The following LRP1B variants were observed in gnomAD, a reference collection of about 807,000 sequenced individuals.
LRP1B encodes the protein LDL receptor related protein 1B, also known as low-density lipoprotein receptor-related protein 1B.
Under a neutral mutation model 556.6 loss-of-function variants are expected in LRP1B, and 217 were observed. The ratio of observed to expected loss-of-function variants is 0.39; its 90% confidence interval spans 0.35 to 0.44. The LOEUF (loss-of-function observed/expected upper bound fraction) is 0.44, where lower values mean the gene tolerates loss of function less well. Among genes scored for constraint, LRP1B ranks in the 20% least tolerant of loss-of-function variants. The pLI, the probability that LRP1B is intolerant of heterozygous loss-of-function variation, is 1.00. For missense variants in LRP1B, 5,053 were observed against 5,620.8 expected (o/e 0.90, Z 3.23); for synonymous variants, 2,047 against 1,865.8 (o/e 1.10, Z -2.50).
intron 3 of LRP1B, among the ~76,000 whole-genome samples, chr2:141,414,459 C>G (rs11901499): frequency 6.6e-6 from 1 of 150,484 alleles, no homozygotes; most frequent in Admixed American, 6.6e-5. Context: ...AAAGAAGAGG[C>G]AAGTGTGTTA....
intron 3 of LRP1B, among the ~76,000 whole-genome samples, chr2:141,288,836 A>G (rs1294257634): frequency 6.6e-6 from 1 of 152,104 alleles, no homozygotes; most frequent in Non-Finnish European, 1.5e-5. Context: ...TTCCCTTCAT[A>G]TTTCCTCACC....
chr2:141,113,718 T>C (rs978940883), intron 7 of LRP1B, among the ~76,000 whole-genome samples: 2 of 150,332 alleles, frequency 1.3e-5, no homozygotes, highest in African/African-American at 4.9e-5. Flanking sequence ...GGCAGAAAAA[T>C]TATTTTAATG....
At chr2:141,188,675 G>A in intron 6 of LRP1B, 92 bp from the exon 7 acceptor site, 2 of 1,109,244 alleles carry the variant, frequency 1.8e-6, no homozygotes, top group Non-Finnish European at 2.6e-6. Context: ...CCATCATAGA[G>A]GACATTTCAA....
At chr2:141,573,195 G>A (rs181872619) in intron 2 of LRP1B, among the ~76,000 whole-genome samples, 1 of 152,134 alleles carries the variant, frequency 6.6e-6, no homozygotes, top group Admixed American at 6.5e-5. Flanking sequence ...CACATAATTG[G>A]GAGTAAAACA....
chr2:142,029,424 T>C (rs924378509), intron 1 of LRP1B, among the ~76,000 whole-genome samples: 1 of 151,928 alleles, frequency 6.6e-6, no homozygotes, highest in Non-Finnish European at 1.5e-5. Flanking sequence ...AACTTACTGA[T>C]GACTTCTGTT....
At chr2:140,897,500 T>C (rs1573856160) in intron 23 of LRP1B, among the ~76,000 whole-genome samples, 1 of 152,316 alleles carries the variant, frequency 6.6e-6, no homozygotes, top group Non-Finnish European at 1.5e-5. Flanking sequence ...GACTGAAGGA[T>C]GCAAAGTATT....
Position 141,203,623 on chromosome 2 carries a change from G to T in LRP1B, c.851-15040C>A, listed in dbSNP as rs575800808. Among the ~76,000 whole-genome samples the T allele has an allele frequency of 2.0e-5, 3 of 152,184 alleles. No homozygotes were observed. In the South Asian group the frequency reaches 6.2e-4, roughly 32 times the overall value. On this transcript the variant is annotated intron_variant, in intron 6 of 90. Coordinates refer to ENST00000389484, the MANE Select transcript of LRP1B (RefSeq NM_018557.3). The stretch of plus-strand genomic sequence containing the variant: ...AACACCCCACTGTCAATGTTAGATT[G>T]AGACAGAAAATTAACAAATACATTC...
At chr2:141,047,078 A>G (rs1698896549) in intron 11 of LRP1B, among the ~76,000 whole-genome samples, 1 of 17,808 alleles carries the variant, frequency 5.6e-5, no homozygotes. Context: ...AATAATAATA[A>G]TAATAATAAA....
chr2:141,686,757 C>T (rs774925926), intron 2 of LRP1B, among the ~76,000 whole-genome samples: 3 of 151,920 alleles, frequency 2.0e-5, no homozygotes, highest in Non-Finnish European at 4.4e-5. Flanking sequence ...CATGAGGGCT[C>T]TGCCTTAATA....
intron 15 of LRP1B, among the ~76,000 whole-genome samples, chr2:140,994,529 T>C (rs1697187110): frequency 2.0e-5 from 3 of 151,844 alleles, no homozygotes; most frequent in Non-Finnish European, 4.4e-5. Context: ...TGAATAAGTC[T>C]ACAAATCCAA....
chr2:140,683,994 C>A, intron 41 of LRP1B: 1 of 261,294 alleles, frequency 3.8e-6, no homozygotes, highest in Non-Finnish European at 7.4e-6. Flanking sequence ...TTGCACCAAC[C>A]GAATACATAC....
At chr2:141,766,067 A>C (rs1298383454) in intron 2 of LRP1B, among the ~76,000 whole-genome samples, 2 of 152,108 alleles carry the variant, frequency 1.3e-5, no homozygotes, top group Non-Finnish European at 2.9e-5. Context: ...TTGCTTATTG[A>C]TTTCTTTTTT....
At chr2:140,859,562 T>C (rs1392206370) in intron 27 of LRP1B, among the ~76,000 whole-genome samples, 2 of 152,180 alleles carry the variant, frequency 1.3e-5, no homozygotes, top group African/African-American at 4.8e-5. Context: ...TTTCCTATAA[T>C]GGACAGTGGG....
intron 41 of LRP1B, among the ~76,000 whole-genome samples, chr2:140,609,142 G>A (rs1398817292): frequency 2.6e-5 from 4 of 152,088 alleles, no homozygotes; most frequent in Non-Finnish European, 5.9e-5. Context: ...CATGAACTCC[G>A]CGGTGCCTGA....
intron 1 of LRP1B, among the ~76,000 whole-genome samples, chr2:142,118,959 C>T (rs916832561): frequency 6.6e-6 from 1 of 152,064 alleles, no homozygotes; most frequent in Non-Finnish European, 1.5e-5. Flanking sequence ...GCCAAATTAT[C>T]AAAGAGGGTT....
At chr2:141,874,508 A>G (rs1698693620) in intron 1 of LRP1B, among the ~76,000 whole-genome samples, 1 of 151,962 alleles carries the variant, frequency 6.6e-6, no homozygotes, top group Non-Finnish European at 1.5e-5. Context: ...TTGCCAAGGA[A>G]ATATAACCTG....
intron 25 of LRP1B, among the ~76,000 whole-genome samples, chr2:140,870,052 T>C (rs1693078045): frequency 6.6e-6 from 1 of 151,744 alleles, no homozygotes; most frequent in Non-Finnish European, 1.5e-5. Flanking sequence ...CTTATTTGAC[T>C]GAAGAAAACT....
intron 7 of LRP1B, among the ~76,000 whole-genome samples, chr2:141,107,523 G>C (rs1700636392): frequency 6.6e-6 from 1 of 152,048 alleles, no homozygotes; most frequent in Non-Finnish European, 1.5e-5. Flanking sequence ...GTGTGTACCT[G>C]TAGTCCCAGC....
chr2:142,037,586 T>C lies in LRP1B; in HGVS notation c.82+93062A>G, dbSNP rs1004298737. On this transcript the variant is annotated intron_variant, in intron 1 of 90. Coordinates refer to ENST00000389484, the MANE Select transcript of LRP1B (RefSeq NM_018557.3). The stretch of plus-strand genomic sequence containing the variant: ...ATAGCAGGATCCATAAGCTATTCCT[T>C]ACAATTAAAAGATGGGACAATCTGG... Among the ~76,000 whole-genome samples the C allele has an allele frequency of 5.9e-5, 9 of 151,720 alleles. No individual in the cohort carries two copies. The South Asian group carries it at 8.3e-4, about 14-fold the overall frequency.
Sources: allele counts gnomAD v4.1 joint callset (sites outside exome capture counted in the v4.1 genomes callset), GRCh38; gene constraint gnomAD v4.1.1; transcripts MANE v1.5; gene names NCBI Gene and HGNC (gene_info 2026-07-23, HGNC 2026-07-21).